CSMD2: variants seen among roughly 807,000 people sequenced by gnomAD.
CSMD2 encodes the protein CUB and sushi domain-containing protein 2.
CSMD2 carries 130 observed loss-of-function variants against 398.5 expected under a neutral mutation model. The ratio of observed to expected loss-of-function variants is 0.33; its 90% CI spans 0.28 to 0.38. CSMD2 has a LOEUF of 0.38. CSMD2 is among the 10% of genes least tolerant of loss of function. CSMD2 has a pLI of 1.00. For synonymous variants in CSMD2, 1,828 were observed against 1,908.5 expected (o/e 0.96, Z 1.10); for missense variants, 3,829 against 4,764.9 (o/e 0.80, Z 5.78).
intron 3 of CSMD2, among the ~76,000 whole-genome samples, chr1:33,946,759 C>T (rs574013325): frequency 8.3e-6 from 1 of 120,660 alleles, no homozygotes; most frequent in East Asian, 2.0e-4. Context: ...ACTGGGATTA[C>T]AGGCGCGCAC....
At chr1:33,854,232 T>C (rs1330674091) in intron 5 of CSMD2, among the ~76,000 whole-genome samples, 2 of 152,220 alleles carry the variant, frequency 1.3e-5, no homozygotes, top group African/African-American at 4.8e-5. Context: ...TCTCTCACCA[T>C]GCATTGCTGA....
At chr1:34,031,670 T>C (rs975011699) in intron 3 of CSMD2, among the ~76,000 whole-genome samples, 1 of 147,830 alleles carries the variant, frequency 6.8e-6, no homozygotes. Context: ...ATTACACCCC[T>C]GGCCAAGACA....
Position 33,614,584 on chromosome 1 carries a change from AC to A in CSMD2, c.6052del (p.Val2018Ter). The A allele has an allele frequency of 6.2e-7, 1 of 1,612,620 alleles. No individual in the cohort carries two copies. Among genetic ancestry groups the A allele is most frequent in the Non-Finnish European group, 8.5e-7 (1 of 1,178,866 alleles). The stretch of plus-strand genomic sequence containing the variant: ...GCCTGGGAAGCCGGGGCTCAGGATC[AC>A]CCCCTCCATCTCCTCCACTGTTCCC... Reference protein sequence around the residue: ...CGGTVEEMEGVILSPGFPGNY... With the variant: ...CGGTVEEMEGXILSPGFPGNY... On this transcript the variant is annotated frameshift_variant, in exon 40 of 71. Coordinates refer to ENST00000373381, the MANE Select transcript of CSMD2 (RefSeq NM_001281956.2). LOFTEE classifies it high-confidence loss of function.
intron 49 of CSMD2, among the ~76,000 whole-genome samples, chr1:33,574,788 A>C (rs1659916137): frequency 6.6e-6 from 1 of 152,054 alleles, no homozygotes; most frequent in South Asian, 2.1e-4. Context: ...TAAACATGAG[A>C]CTCTTAATGA....
At chr1:33,802,174 C>T (rs991768769) in intron 10 of CSMD2, among the ~76,000 whole-genome samples, 8 of 152,118 alleles carry the variant, frequency 5.3e-5, no homozygotes, top group East Asian at 3.9e-4. Flanking sequence ...CAACATTGCC[C>T]GAGGACATCC....
chr1:33,910,954 C>G (rs756252896), intron 5 of CSMD2, among the ~76,000 whole-genome samples: 10 of 152,256 alleles, frequency 6.6e-5, no homozygotes, highest in Non-Finnish European at 1.2e-4. Context: ...CTGGCTATTA[C>G]ATTTCTCCTT....
intron 9 of CSMD2, among the ~76,000 whole-genome samples, chr1:33,816,060 T>C (rs1657428023): frequency 6.6e-6 from 1 of 152,176 alleles, no homozygotes; most frequent in South Asian, 2.1e-4. Flanking sequence ...TCTCCTGTTT[T>C]ACTGCCCTTT....
rs1381305185 is a variant in CSMD2, at chr1:34,095,312, G to T, written c.188-6119C>A. On this transcript the variant is annotated intron_variant, in intron 1 of 70. Coordinates refer to ENST00000373381, the MANE Select transcript of CSMD2 (RefSeq NM_001281956.2). ...AATGCCCACAAGAGAAAGCAGGAAA[G>T]ATCCAAAATTGACACCCTAACATCA... Among the ~76,000 whole-genome samples the T allele has an allele frequency of 2.2e-4, 32 of 142,724 alleles. 1 individual carries two copies. Among genetic ancestry groups the T allele is most frequent in the African/African-American group, 4.8e-4 (18 of 37,720 alleles). The allele number at this position is 142,724 out of a possible 152,430, so 93.6% of individuals were successfully genotyped here. A position where few individuals can be genotyped will look rare whatever the true frequency, so the allele number is the denominator to read the frequency against.
intron 40 of CSMD2, among the ~76,000 whole-genome samples, chr1:33,611,907 G>A (rs568679463): frequency 6.6e-6 from 1 of 152,264 alleles, no homozygotes; most frequent in Non-Finnish European, 1.5e-5. Flanking sequence ...TTCAAAATTA[G>A]ATCACCATGG....
At chr1:33,763,407 G>A (rs1002607107) in intron 13 of CSMD2, among the ~76,000 whole-genome samples, 4 of 152,152 alleles carry the variant, frequency 2.6e-5, no homozygotes, top group African/African-American at 7.2e-5. Context: ...AATTTTGGGG[G>A]ACAAGGCCAA....
At position 33,967,465 on chromosome 1, in the gene CSMD2, G is replaced by A. The variant is rs566748491; in HGVS notation, c.518-31511C>T. Reference sequence around the variant, plus strand: ...CACAGGTGAACCCAGGCACAAGTGTGCACACCCTCTTTCCCTACACCATAA... The same window carrying A: ...CACAGGTGAACCCAGGCACAAGTGTACACACCCTCTTTCCCTACACCATAA... On this transcript the variant is annotated intron_variant, in intron 3 of 70. Transcript: ENST00000373381. Among the ~76,000 whole-genome samples, 5 of 142,834 alleles carry A rather than the reference G, an allele frequency of 3.5e-5. No homozygotes were observed. In the East Asian group the frequency reaches 6.4e-4, roughly 18 times the overall value. The allele number at this position is 142,834 out of a possible 152,430, so 93.7% of individuals were successfully genotyped here.
intron 13 of CSMD2, among the ~76,000 whole-genome samples, chr1:33,757,313 A>T (rs1324725193): frequency 6.6e-6 from 1 of 152,102 alleles, no homozygotes; most frequent in Non-Finnish European, 1.5e-5. Flanking sequence ...ATAATAATAA[A>T]AAAAAATCAT....
chr1:33,788,565 G>T, intron 12 of CSMD2, 35 bp downstream of exon 12: 2 of 1,185,746 alleles, frequency 1.7e-6, no homozygotes, highest in Non-Finnish European at 1.3e-6. Flanking sequence ...CTGACTCCCA[G>T]GACACAGTTC....
chr1:34,092,608 G>C (rs1032202728), intron 1 of CSMD2, among the ~76,000 whole-genome samples: 41 of 151,862 alleles, frequency 2.7e-4, no homozygotes, highest in Non-Finnish European at 5.9e-5. Context: ...CGTGCAAGGG[G>C]GCAGGGAGTT....
chr1:34,132,501 C>T (rs1479000816), intron 1 of CSMD2, among the ~76,000 whole-genome samples: 1 of 152,170 alleles, frequency 6.6e-6, no homozygotes, highest in Non-Finnish European at 1.5e-5. Flanking sequence ...CTTTATGTGT[C>T]AACTTGACTG....
At chr1:33,738,014 C>T (rs553461551) in intron 15 of CSMD2, among the ~76,000 whole-genome samples, 1 of 152,154 alleles carries the variant, frequency 6.6e-6, no homozygotes, top group East Asian at 1.9e-4. Flanking sequence ...AAATGCCCAC[C>T]TGGACTGCTT....
intron 32 of CSMD2, among the ~76,000 whole-genome samples, chr1:33,629,620 C>T (rs1008260390): frequency 3.9e-5 from 6 of 152,136 alleles, no homozygotes; most frequent in African/African-American, 1.4e-4. Flanking sequence ...AGCTTTTTCT[C>T]CCCCAACGCA....
chr1:33,987,687 T>C lies in CSMD2; in HGVS notation c.517+44907A>G, dbSNP rs1646407903. 3.3e-5 allele frequency among the ~76,000 whole-genome samples: 5 copies of C among 151,954 alleles called. No homozygotes were observed. The South Asian group carries it at 1.0e-3, about 32-fold the overall frequency. On this transcript the variant is annotated intron_variant, in intron 3 of 70. Coordinates refer to ENST00000373381, the MANE Select transcript of CSMD2 (RefSeq NM_001281956.2). ...CTTCAGACCTTCAAGTGAAATTAAG[T>C]CCTAGACATTTCTACCAGGAGCACC...
intron 28 of CSMD2, among the ~76,000 whole-genome samples, chr1:33,649,354 A>C (rs1453411371): frequency 2.0e-5 from 3 of 152,216 alleles, no homozygotes. Flanking sequence ...ATTTCTCATC[A>C]ACATACAGGC....
Sources: gnomAD v4.1 joint callset for allele counts (sites outside exome capture counted in the v4.1 genomes callset) on GRCh38, gnomAD v4.1.1 for gene constraint, MANE v1.5 for transcripts, NCBI Gene and HGNC (gene_info 2026-07-23, HGNC 2026-07-21) for gene names.